The following HEMK2 variants were observed in gnomAD, a reference collection of about 807,000 sequenced individuals.
HEMK2 encodes HemK methyltransferase 2, ETF1 glutamine and histone H4 lysine.
chr21:28,655,390 A>G, the HEMK2 span, among the ~76,000 whole-genome samples: 102 of 152,242 alleles, frequency 6.7e-4, no homozygotes, highest in African/African-American at 2.3e-3. Context: ...TTTGCTATAA[A>G]TAAGAAAAAA....
chr21:28,731,907 T>C, the HEMK2 span, among the ~76,000 whole-genome samples: 8 of 152,210 alleles, frequency 5.3e-5, no homozygotes, highest in African/African-American at 1.9e-4. Context: ...CCTGCAGCCA[T>C]GAACCTTGCC....
the HEMK2 span, among the ~76,000 whole-genome samples, chr21:28,652,450 TCCTC>T: frequency 2.8e-4 from 42 of 151,724 alleles, no homozygotes; most frequent in African/African-American, 7.8e-4. Context: ...CTTCCTTCCT[TCCTC>T]CCTCCCTCCC....
chr21:28,780,113 G>A, the HEMK2 span, among the ~76,000 whole-genome samples: 1 of 152,100 alleles, frequency 6.6e-6, no homozygotes. Context: ...CATGAGCTAT[G>A]AGCTTATGAG....
the HEMK2 span, among the ~76,000 whole-genome samples, chr21:28,635,101 C>CTTTTTTTTTTTTTTT: frequency 1.4e-5 from 2 of 142,902 alleles, no homozygotes. Context: ...ATGTCCTCAT[C>CTTTTTTTTTTTTTTT]TTTTTTTTTT....
At chr21:28,802,768 T>C in the HEMK2 span, among the ~76,000 whole-genome samples, 1 of 152,194 alleles carries the variant, frequency 6.6e-6, no homozygotes, top group African/African-American at 2.4e-5. Flanking sequence ...ATGAAAAATA[T>C]ATTTTCTTGT....
the HEMK2 span, among the ~76,000 whole-genome samples, chr21:28,641,774 A>G: frequency 1.3e-5 from 2 of 152,232 alleles, no homozygotes; most frequent in African/African-American, 4.8e-5. Flanking sequence ...AGTTTTTATT[A>G]TCAAGTCTCT....
chr21:28,831,590 G>GAAAGAAA, the HEMK2 span, among the ~76,000 whole-genome samples: 1 of 60,452 alleles, frequency 1.7e-5, no homozygotes. Context: ...AAGGAAAGAA[G>GAAAGAAA]GAAAGAAGGA....
chr21:28,838,972 A>AAAAAAATATATATATATATATATATATAT, the HEMK2 span, among the ~76,000 whole-genome samples: 1 of 29,164 alleles, frequency 3.4e-5, no homozygotes, highest in Non-Finnish European at 5.6e-5. Context: ...AAAAAAAAAA[A>AAAAAAATATATATATATATATATATATAT]ATATATATAT....
At chr21:28,813,121 G>T in the HEMK2 span, among the ~76,000 whole-genome samples, 1 of 152,168 alleles carries the variant, frequency 6.6e-6, no homozygotes, top group South Asian at 2.1e-4. Context: ...GCAAGAGAAA[G>T]AAATAAAATG....
chr21:28,782,052 T>C, the HEMK2 span, among the ~76,000 whole-genome samples: 1 of 152,218 alleles, frequency 6.6e-6, no homozygotes, highest in African/African-American at 2.4e-5. Context: ...TAAAAAACTA[T>C]TTCATTCAAG....
the HEMK2 span, among the ~76,000 whole-genome samples, chr21:28,831,667 GAAAGAAAGAAA>G: frequency 1.3e-4 from 7 of 55,776 alleles, no homozygotes; most frequent in Non-Finnish European, 2.3e-4. Flanking sequence ...AAGAAAGAAA[GAAAGAAAGAAA>G]GAAAGAAGGA....
the HEMK2 span, among the ~76,000 whole-genome samples, chr21:28,834,334 C>T: frequency 0.015 from 2,314 of 152,278 alleles, 27 homozygotes; most frequent in Middle Eastern, 0.037. Flanking sequence ...CTGTGAGTGC[C>T]CCAACCTTGG....
chr21:28,607,208 C>T, the HEMK2 span, among the ~76,000 whole-genome samples: 1 of 152,026 alleles, frequency 6.6e-6, no homozygotes, highest in Non-Finnish European at 1.5e-5. Flanking sequence ...CTCAGGAGTT[C>T]GTGACCAGCC....
the HEMK2 span, among the ~76,000 whole-genome samples, chr21:28,777,049 A>G: frequency 2.0e-5 from 3 of 152,178 alleles, no homozygotes; most frequent in African/African-American, 7.2e-5. Context: ...TGGTTATTCT[A>G]TGTATTATTG....
the HEMK2 span, among the ~76,000 whole-genome samples, chr21:28,848,333 T>C: frequency 6.6e-6 from 1 of 152,182 alleles, no homozygotes; most frequent in Admixed American, 6.5e-5. Flanking sequence ...TAGAAAATTC[T>C]TATTTTTAAA....
the HEMK2 span, among the ~76,000 whole-genome samples, chr21:28,833,195 C>G: frequency 2.0e-5 from 3 of 149,292 alleles, no homozygotes; most frequent in Non-Finnish European, 4.5e-5. Flanking sequence ...AAAAGAATAT[C>G]TGATCAGAAA....
At chr21:28,683,155 AT>A in the HEMK2 span, among the ~76,000 whole-genome samples, 1 of 151,656 alleles carries the variant, frequency 6.6e-6, no homozygotes, top group Non-Finnish European at 1.5e-5. Flanking sequence ...AAGGGGATTT[AT>A]TTCAGAAACA....
the HEMK2 span, among the ~76,000 whole-genome samples, chr21:28,805,362 T>C: frequency 9.2e-5 from 14 of 152,204 alleles, no homozygotes; most frequent in African/African-American, 2.9e-4. Context: ...AATTATATTA[T>C]TGGTTATTAT....
At chr21:28,872,608 C>A in the HEMK2 span, 1 of 152,170 alleles carries the variant, frequency 6.6e-6, no homozygotes, top group African/African-American at 2.4e-5. Flanking sequence ...AAGAAAGTGG[C>A]TTACATGATT....
Sources: gnomAD v4.1 joint callset for allele counts (sites outside exome capture counted in the v4.1 genomes callset) on GRCh38, gnomAD v4.1.1 for gene constraint, MANE v1.5 for transcripts, NCBI Gene and HGNC (gene_info 2026-07-23, HGNC 2026-07-21) for gene names.